The following MROH2B variants were observed in gnomAD, a reference collection of about 807,000 sequenced individuals.
The protein encoded by MROH2B is maestro heat-like repeat-containing protein family member 2B.
MROH2B carries 177 observed loss-of-function variants against 208.6 expected under a neutral mutation model. That is an observed-to-expected ratio of 0.85 (90% confidence interval 0.75 to 0.96). The LOEUF is 0.96. Ranked by LOEUF, MROH2B falls within the 40% of genes least tolerant of loss-of-function variation. MROH2B has a pLI of 0.00. For missense variants in MROH2B, 2,002 were observed against 1,878.7 expected (o/e 1.07, Z -1.21); for synonymous variants, 728 against 659.0 (o/e 1.10, Z -1.60).
chr5:41,057,650 G>T, intron 7 of MROH2B, among the ~76,000 whole-genome samples: 1 of 140,042 alleles, frequency 7.1e-6, no homozygotes, highest in Non-Finnish European at 1.5e-5. Flanking sequence ...TCCGCCTCTC[G>T]GGTTCAAGCG....
At chr5:41,005,425 C>CCTCCTTTGAAGTCT (rs58129703) in intron 35 of MROH2B, 106 bp downstream of exon 35, 1 of 213,956 alleles carries the variant, frequency 4.7e-6, no homozygotes, top group East Asian at 8.9e-5. Context: ...CCCCCCCCCC[C>CCTCCTTTGAAGTCT]TTGAAGTCTC....
intron 27 of MROH2B, 28 bp downstream of exon 27, chr5:41,018,313 A>C: frequency 6.3e-7 from 1 of 1,592,328 alleles, no homozygotes. Context: ...CAAGCAATAA[A>C]GTCTATTCAT....
intron 9 of MROH2B, 136 bp downstream of exon 9, chr5:41,056,973 C>A (rs1743475016): frequency 4.4e-6 from 4 of 909,364 alleles, no homozygotes; most frequent in Middle Eastern, 3.2e-4. Flanking sequence ...GCACAGAAAA[C>A]TGTGAGCTAA....
chr5:41,013,676 C>T (rs940204901), intron 29 of MROH2B, among the ~76,000 whole-genome samples: 3 of 152,128 alleles, frequency 2.0e-5, no homozygotes, highest in African/African-American at 4.8e-5. Context: ...AAATGCTTGC[C>T]GGTTGTCCAA....
Position 41,000,379 on chromosome 5 carries a change from G to C in MROH2B, c.4351-28C>G, listed in dbSNP as rs576177743. The C allele has an allele frequency of 1.3e-3, 2,116 of 1,609,206 alleles. 46 individuals carry two copies. The South Asian group carries it at 0.022, about 17-fold the overall frequency. On this transcript the variant is annotated intron_variant, in intron 38 of 41. Transcript: ENST00000399564. Reference sequence around the variant, plus strand: ...GGAAAACAGAGTTTTCTGCATCACAGTCCAGAACGTTAGGATCTCCTTCCA... The same window carrying C: ...GGAAAACAGAGTTTTCTGCATCACACTCCAGAACGTTAGGATCTCCTTCCA...
chr5:41,061,545 T>C, intron 6 of MROH2B, 25 bp downstream of exon 6: 1 of 1,586,090 alleles, frequency 6.3e-7, no homozygotes, highest in Non-Finnish European at 8.6e-7. Context: ...GACATCCAGC[T>C]TGAGGCATCC....
chr5:41,041,762 T>A (rs940032713), intron 19 of MROH2B, among the ~76,000 whole-genome samples: 4 of 151,648 alleles, frequency 2.6e-5, no homozygotes, highest in African/African-American at 9.7e-5. Context: ...TCTCTCTAGA[T>A]TAGTCTAGAT....
At chr5:41,049,549 G>A in intron 13 of MROH2B, 113 bp from the exon 14 acceptor site, 1 of 1,327,112 alleles carries the variant, frequency 7.5e-7, no homozygotes, top group Non-Finnish European at 1.0e-6. Flanking sequence ...TTATTATTTT[G>A]CTTTTTGGGC....
chr5:41,069,759 C>T lies in MROH2B; in HGVS notation c.29-7G>A, dbSNP rs188321005. The T allele has an allele frequency of 4.0e-5, 64 of 1,586,952 alleles. No individual in the cohort carries two copies. Among genetic ancestry groups the T allele is most frequent in the Admixed American group, 3.9e-4 (23 of 58,428 alleles). On this transcript the variant is annotated splice_region_variant and splice_polypyrimidine_tract_variant and intron_variant, in intron 1 of 41. Coordinates refer to ENST00000399564, the MANE Select transcript of MROH2B (RefSeq NM_173489.5). ...TTAATATCCCCAAACATCTCTAAAA[C>T]GTACAGAAAAATATGAATTGAAATA... is the stretch of plus-strand genomic sequence containing the variant.
At chr5:41,069,195 G>T (rs1743904566) in intron 2 of MROH2B, among the ~76,000 whole-genome samples, 1 of 152,174 alleles carries the variant, frequency 6.6e-6, no homozygotes, top group Admixed American at 6.5e-5. Flanking sequence ...ATACACTGTT[G>T]TTTGGAAAAT....
intron 21 of MROH2B, among the ~76,000 whole-genome samples, chr5:41,035,688 C>T (rs1742733498): frequency 6.6e-6 from 1 of 151,978 alleles, no homozygotes; most frequent in Non-Finnish European, 1.5e-5. Flanking sequence ...CAAAAGAGGA[C>T]ATATAAGTGG....
At chr5:41,054,878 A>G (rs757145319) in intron 10 of MROH2B, 38 bp from the exon 11 acceptor site, 1 of 1,403,796 alleles carries the variant, frequency 7.1e-7, no homozygotes, top group Non-Finnish European at 1.0e-6. Context: ...GCCTGACTCA[A>G]TAGAAGTACA....
chr5:41,015,392 T>C lies in MROH2B; in HGVS notation c.2971A>G (p.Lys991Glu), dbSNP rs1321259354. 1.9e-6 allele frequency: 3 copies of C among 1,613,396 alleles called. No individual in the cohort carries two copies. The highest frequency in any genetic ancestry group is 1.7e-6 in the Non-Finnish European group (2 of 1,179,574). The stretch of plus-strand genomic sequence containing the variant: ...TCCATATTTATTACCTTAGCTATTT[T>C]AGAAGAAATCTTGATCTGAACCTGC... The part of the protein sequence containing the change: ...DVQVQIKISS[K>E]IAKIVSKFIP... Residue 991 changes from lysine (K) to glutamate (E), a missense_variant, in exon 29 of 42, where the codon AAA becomes GAA. Coordinates refer to ENST00000399564, the MANE Select transcript of MROH2B (RefSeq NM_173489.5).
At chr5:41,035,819 A>G (rs1354142342) in intron 21 of MROH2B, among the ~76,000 whole-genome samples, 6 of 146,740 alleles carry the variant, frequency 4.1e-5, no homozygotes, top group Admixed American at 2.0e-4. Context: ...AAAAAAACAA[A>G]ACAAAACAAA....
intron 24 of MROH2B, among the ~76,000 whole-genome samples, chr5:41,021,055 A>G (rs1043043765): frequency 1.3e-5 from 2 of 152,232 alleles, no homozygotes; most frequent in African/African-American, 4.8e-5. Flanking sequence ...TAATGACTCT[A>G]CCAAAAAACT....
intron 41 of MROH2B, 107 bp downstream of exon 41, chr5:40,998,505 T>C: frequency 1.2e-6 from 1 of 864,044 alleles, no homozygotes; most frequent in Admixed American, 2.3e-5. Flanking sequence ...CAATAATTGG[T>C]ACTAAGATTT....
At chr5:41,047,611 G>GAA (rs757428159) in intron 17 of MROH2B, 110 bp downstream of exon 17, 69 of 988,374 alleles carry the variant, frequency 7.0e-5, no homozygotes, top group Non-Finnish European at 1.0e-4. Context: ...CCAAAGAAAG[G>GAA]AAAAGGTTGT....
chr5:41,032,615 T>C, intron 24 of MROH2B, 127 bp downstream of exon 24: 1 of 742,064 alleles, frequency 1.3e-6, no homozygotes, highest in Non-Finnish European at 2.2e-6. Flanking sequence ...AGTTTGAAGC[T>C]CCCATTAATG....
Position 41,049,122 on chromosome 5 carries a change from C to T in MROH2B, c.1521G>A (p.Gln507=), listed in dbSNP as rs1275734864. 6 of 1,600,158 alleles carry T rather than the reference C, an allele frequency of 3.7e-6. No homozygotes were observed. Among genetic ancestry groups the T allele is most frequent in the Non-Finnish European group, 5.1e-6 (6 of 1,172,660 alleles). The change falls in exon 15 of 42, where the codon CAG becomes CAA. Residue 507 remains glutamine, a synonymous_variant. Transcript: ENST00000399564. The part of the protein sequence containing the change: ...STGAVKLPSP[Q]QLLARLLVIS... ...TCACCAGAAGTCTGGCCAGTAGCTGCTGTGGTGAAGGAAGTTTCACTAGAA... is the reference window on the plus strand; with the variant it reads ...TCACCAGAAGTCTGGCCAGTAGCTGTTGTGGTGAAGGAAGTTTCACTAGAA...
Sources: gnomAD v4.1 joint callset for allele counts (sites outside exome capture counted in the v4.1 genomes callset) on GRCh38, gnomAD v4.1.1 for gene constraint, MANE v1.5 for transcripts, NCBI Gene and HGNC (gene_info 2026-07-23, HGNC 2026-07-21) for gene names.